Variants in WNK1 observed in about 807,000 individuals in gnomAD.
WNK1 encodes the protein serine/threonine-protein kinase WNK1.
Under a neutral mutation model 222.8 loss-of-function variants are expected in WNK1, and 38 were observed. The observed-to-expected ratio is 0.17, with a 90% CI of 0.13 to 0.22. WNK1 has a LOEUF of 0.22. Ranked by LOEUF, WNK1 falls within the 10% of genes least tolerant of loss-of-function variation. The pLI is 1.00. For missense variants in WNK1, 2,348 were observed against 2,918.4 expected (o/e 0.80, Z 4.50); for synonymous variants, 1,090 against 1,092.9 (o/e 1.00, Z 0.05).
intron 1 of WNK1, among the ~76,000 whole-genome samples, chr12:811,378 A>C (rs557938777): frequency 6.6e-6 from 1 of 152,210 alleles, no homozygotes; most frequent in South Asian, 2.1e-4. Context: ...AAGTTTTGCA[A>C]AATATTTAGG....
Position 908,861 on chromosome 12 carries a change from G to GGGGGGGGCC in WNK1, c.*69_*70insGGGGGGGCC. The GGGGGGGGCC allele has an allele frequency of 2.0e-6, 1 of 491,846 alleles. No homozygotes were observed. 30.5% of individuals were successfully genotyped at this position (491,846 alleles called of 1,614,324 possible). A position where few individuals can be genotyped will look rare whatever the true frequency, so the allele number is the denominator to read the frequency against. ...ATGCTGAGGGGGTGGGTGGGGGTGG[G>GGGGGGGGCC]AAGTAGCCTATATACTAACTACTAG... is the stretch of plus-strand genomic sequence containing the variant. On this transcript the variant is annotated 3_prime_UTR_variant, in exon 28 of 28. Coordinates refer to ENST00000315939, the MANE Select transcript of WNK1 (RefSeq NM_018979.4).
At chr12:876,132 G>C (rs1165132493) in intron 9 of WNK1, among the ~76,000 whole-genome samples, 2 of 152,146 alleles carry the variant, frequency 1.3e-5, no homozygotes, top group Non-Finnish European at 2.9e-5. Context: ...TCAGAGGCCG[G>C]GGCGCGGTGG....
chr12:789,756 TAAG>T (rs975600206), intron 1 of WNK1, among the ~76,000 whole-genome samples: 8 of 152,168 alleles, frequency 5.3e-5, no homozygotes, highest in African/African-American at 1.9e-4. Flanking sequence ...TCATAGATGG[TAAG>T]GCAGTGTCAG....
chr12:870,037 C>T (rs11064579), intron 8 of WNK1, among the ~76,000 whole-genome samples: 19,950 of 152,054 alleles, frequency 0.13, 1,645 homozygotes, highest in East Asian at 0.41. Flanking sequence ...CAAATGTGTA[C>T]ATCTTATAAA....
At chr12:806,121 G>A (rs1418090616) in intron 1 of WNK1, among the ~76,000 whole-genome samples, 1 of 152,152 alleles carries the variant, frequency 6.6e-6, no homozygotes, top group African/African-American at 2.4e-5. Context: ...ATTATTTTCA[G>A]TTTTCAAAGC....
chr12:834,731 C>T (rs544891820), intron 4 of WNK1, among the ~76,000 whole-genome samples: 47 of 152,192 alleles, frequency 3.1e-4, no homozygotes, highest in African/African-American at 1.1e-3. Flanking sequence ...AGTACTGGTA[C>T]TGATAGTAGG....
intron 9 of WNK1, among the ~76,000 whole-genome samples, chr12:873,323 G>C (rs1204810762): frequency 6.6e-6 from 1 of 151,882 alleles, no homozygotes; most frequent in Admixed American, 6.6e-5. Flanking sequence ...GAAAAGAAGA[G>C]AGCAGTACCA....
chr12:895,859 C>A (rs1291488833), intron 23 of WNK1, among the ~76,000 whole-genome samples: 2 of 152,172 alleles, frequency 1.3e-5, no homozygotes, highest in Non-Finnish European at 2.9e-5. Flanking sequence ...GCGTAGCCAG[C>A]CACACAGAAT....
rs2154104798 is a variant in WNK1 at position 908,861 on chromosome 12, GA to G, written c.*71del. On this transcript the variant is annotated 3_prime_UTR_variant, in exon 28 of 28. Coordinates refer to ENST00000315939, the MANE Select transcript of WNK1 (RefSeq NM_018979.4). ...ATGCTGAGGGGGTGGGTGGGGGTGG[GA>G]AGTAGCCTATATACTAACTACTAGT... 2.0e-6 allele frequency: 1 copy of G among 491,340 alleles called. No individual in the cohort carries two copies. Among genetic ancestry groups the G allele is most frequent in the Non-Finnish European group, 4.1e-6 (1 of 241,492 alleles). 30.4% of individuals were successfully genotyped at this position (491,340 alleles called of 1,614,324 possible).
intron 1 of WNK1, among the ~76,000 whole-genome samples, chr12:773,056 C>T (rs944604889): frequency 3.3e-5 from 5 of 151,990 alleles, no homozygotes; most frequent in African/African-American, 7.3e-5. Flanking sequence ...GTCAGGAGTT[C>T]GAGACCAGCC....
At chr12:768,818 GT>G (rs1461268210) in intron 1 of WNK1, among the ~76,000 whole-genome samples, 3 of 147,444 alleles carry the variant, frequency 2.0e-5, no homozygotes, top group African/African-American at 2.5e-5. Flanking sequence ...AAGTTTTTTT[GT>G]TTTTTTTTTG....
rs761392920 is a variant in WNK1 at position 861,068 on chromosome 12, A to G, written c.1676A>G (p.Lys559Arg). 1 of 1,614,074 alleles carries G rather than the reference A, an allele frequency of 6.2e-7. No homozygotes were observed. Among genetic ancestry groups the G allele is most frequent in the Non-Finnish European group, 8.5e-7 (1 of 1,180,004 alleles). The change falls in exon 7 of 28, where the codon AAA (lysine) becomes AGA (arginine). Residue 559 changes from lysine (K) to arginine (R), a missense_variant. Lys to Arg is a conservative substitution (Grantham distance 26). Around this residue, in one of 13 missense-constraint regions of WNK1, gnomAD observed 103 missense variants for 111.5 expected, o/e 0.92. Transcript: ENST00000315939. Reference sequence around the variant, plus strand: ...CACAAGACCATGGCTAAAGCTATCAAAGACAGAGTATCATTAATTAAGAGG... The same window carrying G: ...CACAAGACCATGGCTAAAGCTATCAGAGACAGAGTATCATTAATTAAGAGG... ...GDHKTMAKAI[K>R]DRVSLIKRKR...
chr12:833,328 C>T (rs1221986436), intron 4 of WNK1, among the ~76,000 whole-genome samples: 4 of 152,152 alleles, frequency 2.6e-5, no homozygotes, highest in Admixed American at 6.5e-5. Context: ...GCTATCCTTT[C>T]TTGGTATAAG....
At position 827,562 on chromosome 12, in the gene WNK1, T is replaced by C. The variant is rs894708973; in HGVS notation, c.1153+300T>C. On this transcript the variant is annotated intron_variant, in intron 3 of 27. Coordinates refer to ENST00000315939, the MANE Select transcript of WNK1 (RefSeq NM_018979.4). The surrounding 1 kb of genome is among the most constrained non-coding windows in gnomAD (Gnocchi z 4.6). Reference sequence around the variant, plus strand: ...TGTTGTTGTTGAGATGGAGTCTCTCTCTGTCACCCAGGCTAGAGTGCAGTG... The same window carrying C: ...TGTTGTTGTTGAGATGGAGTCTCTCCCTGTCACCCAGGCTAGAGTGCAGTG... 2.1e-6 allele frequency: 1 copy of C among 465,582 alleles called. No individual in the cohort carries two copies. The highest frequency in any genetic ancestry group is 1.9e-5 in the African/African-American group (1 of 51,400). The allele number at this position is 465,582 out of a possible 1,614,324, so 28.8% of individuals were successfully genotyped here.
At chr12:863,851 A>G (rs1951406393) in intron 8 of WNK1, among the ~76,000 whole-genome samples, 1 of 152,212 alleles carries the variant, frequency 6.6e-6, no homozygotes, top group Admixed American at 6.5e-5. Context: ...AGAAATTAGA[A>G]TAAAAGAAAT....
At chr12:786,126 A>G (rs973384999) in intron 1 of WNK1, among the ~76,000 whole-genome samples, 1 of 152,204 alleles carries the variant, frequency 6.6e-6, no homozygotes, top group Non-Finnish European at 1.5e-5. Context: ...AATAGTATTT[A>G]TTAAGGGAAA....
intron 4 of WNK1, among the ~76,000 whole-genome samples, chr12:831,772 A>G (rs904307600): frequency 6.6e-6 from 1 of 152,126 alleles, no homozygotes; most frequent in South Asian, 2.1e-4. Context: ...TGTAACACAC[A>G]TAGACAAAAT....
intron 4 of WNK1, among the ~76,000 whole-genome samples, chr12:844,982 G>A (rs1949920594): frequency 7.8e-6 from 1 of 128,108 alleles, no homozygotes; most frequent in South Asian, 2.7e-4. Context: ...TGCAAGCTCC[G>A]CCTCCCGGGT....
chr12:779,778 G>T (rs897569102), intron 1 of WNK1, among the ~76,000 whole-genome samples: 1 of 152,036 alleles, frequency 6.6e-6, no homozygotes, highest in Non-Finnish European at 1.5e-5. Context: ...TAAAATAATG[G>T]ATTTTTTTGG....
Sources: gnomAD v4.1 joint callset for allele counts (sites outside exome capture counted in the v4.1 genomes callset) on GRCh38, gnomAD v4.1.1 for gene constraint, gnomAD v4.1.1 regional missense constraint, Gnocchi (gnomAD v3.1) non-coding constraint, MANE v1.5 for transcripts, NCBI Gene and HGNC (gene_info 2026-07-23, HGNC 2026-07-21) for gene names.